The following TMEM164 variants were observed in gnomAD, a reference collection of about 807,000 sequenced individuals.
The protein encoded by TMEM164 is RP13-360B22.2.
A neutral mutation model predicts 18.8 loss-of-function variants in TMEM164; 4 were observed. That is an observed-to-expected ratio of 0.21 (90% CI 0.10 to 0.49). The LOEUF is 0.49. TMEM164 is among the 20% of genes least tolerant of loss of function. The pLI is 0.98. For missense variants in TMEM164, 108 were observed against 239.9 expected (o/e 0.45, Z 3.63); for synonymous variants, 86 against 101.7 (o/e 0.85, Z 0.93).
At chrX:110,064,879 C>T (rs1406682953) in intron 2 of TMEM164, among the ~76,000 whole-genome samples, 2 of 107,046 alleles carry the variant, frequency 1.9e-5, no homozygotes, top group Non-Finnish European at 3.9e-5. Flanking sequence ...CACCTGTAGT[C>T]CCAGCTACTT....
chrX:110,005,565 A>C (rs1932648657), intron 2 of TMEM164, among the ~76,000 whole-genome samples: 1 of 112,011 alleles, frequency 8.9e-6, no homozygotes, highest in Non-Finnish European at 1.9e-5. Context: ...GAAGGTATGG[A>C]TAACTTTGGA....
At chrX:110,066,045 T>C (rs1358347661) in intron 2 of TMEM164, among the ~76,000 whole-genome samples, 1 of 112,161 alleles carries the variant, frequency 8.9e-6, no homozygotes, top group African/African-American at 3.2e-5. Flanking sequence ...ATATTTCCTT[T>C]GATGAGGTAT....
chrX:110,057,102 G>A (rs182395501), intron 2 of TMEM164, among the ~76,000 whole-genome samples: 10 of 110,503 alleles, frequency 9.0e-5, no homozygotes, highest in African/African-American at 3.0e-4. Flanking sequence ...ACCTATAGTC[G>A]CCATGCTGTA....
At chrX:110,177,819 C>G (rs1280919769), downstream of TMEM164, 4 of 111,846 alleles carry the variant, frequency 3.6e-5, no homozygotes, top group Non-Finnish European at 7.5e-5. Context: ...TTCCCAGAAC[C>G]CTCTCAGAAG....
chrX:110,125,800 A>C (rs899654415), intron 4 of TMEM164, among the ~76,000 whole-genome samples: 1 of 112,585 alleles, frequency 8.9e-6, no homozygotes, highest in African/African-American at 3.2e-5. Flanking sequence ...AATGGAACTC[A>C]AAGGAGACGT....
At chrX:110,017,942 C>G (rs1240672194) in intron 2 of TMEM164, among the ~76,000 whole-genome samples, 1 of 111,959 alleles carries the variant, frequency 8.9e-6, no homozygotes, top group African/African-American at 3.3e-5. Flanking sequence ...TGCTTCCTGT[C>G]TTCCACAGAG....
At chrX:110,027,089 A>G (rs1934230997) in intron 2 of TMEM164, among the ~76,000 whole-genome samples, 1 of 110,934 alleles carries the variant, frequency 9.0e-6, no homozygotes, top group Non-Finnish European at 1.9e-5. Flanking sequence ...ACAAGTGACA[A>G]TGTTGAGCAA....
chrX:110,063,783 C>T (rs760308782), intron 2 of TMEM164, among the ~76,000 whole-genome samples: 2 of 111,174 alleles, frequency 1.8e-5, no homozygotes, highest in African/African-American at 3.3e-5. Flanking sequence ...TATGTAAATG[C>T]AATTTGCTGT....
intron 2 of TMEM164, among the ~76,000 whole-genome samples, chrX:110,023,269 C>T (rs974422188): frequency 9.0e-5 from 10 of 111,550 alleles, no homozygotes; most frequent in African/African-American, 2.6e-4. Context: ...TCCTACTCCT[C>T]CTAAGGGTCT....
intron 3 of TMEM164, among the ~76,000 whole-genome samples, chrX:110,080,809 G>A (rs1359898577): frequency 2.7e-5 from 3 of 110,398 alleles, no homozygotes; most frequent in Non-Finnish European, 3.8e-5. Flanking sequence ...GCCTTGGCCT[G>A]CTTGACTTAA....
chrX:110,170,164 G>A (rs2067211615), intron 5 of TMEM164, among the ~76,000 whole-genome samples: 1 of 112,549 alleles, frequency 8.9e-6, no homozygotes, highest in South Asian at 3.6e-4. Flanking sequence ...GCAAGCTTGT[G>A]CTTTGGAATT....
chrX:110,038,164 G>A (rs1472769834), intron 2 of TMEM164, among the ~76,000 whole-genome samples: 2 of 107,757 alleles, frequency 1.9e-5, no homozygotes, highest in Non-Finnish European at 3.8e-5. Context: ...CTAATTTTTT[G>A]TATTTTTAGT....
intron 3 of TMEM164, among the ~76,000 whole-genome samples, chrX:110,085,740 A>C (rs1569321694): frequency 9.0e-6 from 1 of 111,515 alleles, no homozygotes; most frequent in Non-Finnish European, 1.9e-5. Context: ...CAGATAAACT[A>C]TGTGAAACAG....
At chrX:110,025,428 C>T (rs1428601362) in intron 2 of TMEM164, among the ~76,000 whole-genome samples, 1 of 111,750 alleles carries the variant, frequency 8.9e-6, no homozygotes, top group Non-Finnish European at 1.9e-5. Flanking sequence ...CAGATGGCAT[C>T]AAAACCCAAG....
intron 2 of TMEM164, chrX:110,020,313 A>G: frequency 1.4e-6 from 1 of 714,674 alleles, no homozygotes; most frequent in Non-Finnish European, 1.7e-6. Flanking sequence ...GCTTAGAGGA[A>G]AAGGTCATTA....
At chrX:110,149,208 A>G (rs1168353077) in intron 5 of TMEM164, among the ~76,000 whole-genome samples, 1 of 111,552 alleles carries the variant, frequency 9.0e-6, no homozygotes, top group South Asian at 3.8e-4. Flanking sequence ...TTAAAAATGA[A>G]ATGTTTATCT....
intron 5 of TMEM164, among the ~76,000 whole-genome samples, chrX:110,160,987 C>T (rs1461057182): frequency 8.9e-6 from 1 of 112,186 alleles, no homozygotes; most frequent in Non-Finnish European, 1.9e-5. Flanking sequence ...GGATTACAGG[C>T]GTGAGCCACC....
chrX:110,180,498 G>A (rs1032927168), downstream of TMEM164, among the ~76,000 whole-genome samples: 1 of 84,901 alleles, frequency 1.2e-5, no homozygotes, highest in Non-Finnish European at 2.1e-5. Flanking sequence ...CCCCCGCCCC[G>A]CCCACAGTCA....
chrX:110,094,991 A>T (rs1321514735), intron 3 of TMEM164, among the ~76,000 whole-genome samples: 1 of 111,942 alleles, frequency 8.9e-6, no homozygotes, highest in Non-Finnish European at 1.9e-5. Flanking sequence ...TTCTTTAAGA[A>T]TGTTGAATAT....
Sources: gnomAD v4.1 joint callset for allele counts (sites outside exome capture counted in the v4.1 genomes callset) on GRCh38, gnomAD v4.1.1 for gene constraint, MANE v1.5 for transcripts, NCBI Gene and HGNC (gene_info 2026-07-23, HGNC 2026-07-21) for gene names.